Variants in STK32B observed in about 807,000 individuals in gnomAD.
STK32B encodes the protein serine/threonine kinase 32B.
STK32B carries 43 observed loss-of-function variants against 52.6 expected under a neutral mutation model. The ratio of observed to expected loss-of-function variants is 0.82; its 90% CI spans 0.64 to 1.05. The LOEUF (loss-of-function observed/expected upper bound fraction) is 1.05. Among genes scored for constraint, STK32B ranks in the 50% least tolerant of loss-of-function variants. The pLI is 0.00. For synonymous variants in STK32B, 238 were observed against 204.3 expected, an observed-to-expected ratio of 1.17 and a Z score of -1.41; for missense variants, 621 against 534.6, an observed-to-expected ratio of 1.16 and a Z score of -1.59.
rs140665473 is a variant in STK32B, at chr4:5,364,895, A to G, written c.435-33312A>G. 4.0e-3 allele frequency among the ~76,000 whole-genome samples: 610 copies of G among 152,268 alleles called. 4 individuals are homozygous for G. The highest frequency in any genetic ancestry group is 0.027 in the Middle Eastern group (8 of 294). On this transcript the variant is annotated intron_variant, in intron 4 of 11. Coordinates refer to ENST00000282908, the MANE Select transcript of STK32B (RefSeq NM_018401.3). ...GTTATTATTATTAATTATTATTTAG[A>G]TGGAGTTTTTGCTCTTGTTGCCCAG...
chr4:5,283,326 A>G (rs1728329219), intron 3 of STK32B, among the ~76,000 whole-genome samples: 1 of 145,412 alleles, frequency 6.9e-6, no homozygotes, highest in Admixed American at 6.8e-5. Context: ...GGAAAAAAAA[A>G]GAATCAAAAA....
chr4:5,426,083 G>A (rs1245972099), intron 6 of STK32B, among the ~76,000 whole-genome samples: 1 of 152,216 alleles, frequency 6.6e-6, no homozygotes, highest in South Asian at 2.1e-4. Flanking sequence ...GGTTTTATAT[G>A]AGCTTAAATT....
intron 11 of STK32B, among the ~76,000 whole-genome samples, chr4:5,484,187 G>A (rs536161734): frequency 7.9e-5 from 12 of 152,144 alleles, no homozygotes; most frequent in Non-Finnish European, 1.8e-4. Flanking sequence ...TGACAGTGGG[G>A]TGTTAAAGTC....
At chr4:5,268,777 G>A (rs1431844578) in intron 3 of STK32B, among the ~76,000 whole-genome samples, 1 of 152,028 alleles carries the variant, frequency 6.6e-6, no homozygotes, top group Non-Finnish European at 1.5e-5. Flanking sequence ...GCCGAAAGCA[G>A]GCTAAGGGCT....
chr4:5,261,748 GTTATTA>G (rs561443083), intron 3 of STK32B, among the ~76,000 whole-genome samples: 1 of 152,044 alleles, frequency 6.6e-6, no homozygotes, highest in Non-Finnish European at 1.5e-5. Context: ...TATTATTATT[GTTATTA>G]TTATTACTTT....
At chr4:5,165,708 C>G (rs182926538) in intron 2 of STK32B, among the ~76,000 whole-genome samples, 1 of 152,158 alleles carries the variant, frequency 6.6e-6, no homozygotes, top group Non-Finnish European at 1.5e-5. Context: ...GCTTGGATTC[C>G]CACAAAGCCA....
At chr4:5,357,758 A>G (rs1734281592) in intron 4 of STK32B, among the ~76,000 whole-genome samples, 1 of 129,636 alleles carries the variant, frequency 7.7e-6, no homozygotes, top group Admixed American at 9.3e-5. Flanking sequence ...AATAAGATCA[A>G]TAATGAGATA....
intron 3 of STK32B, among the ~76,000 whole-genome samples, chr4:5,320,199 C>T (rs997783554): frequency 1.3e-5 from 2 of 152,074 alleles, no homozygotes; most frequent in Non-Finnish European, 1.5e-5. Flanking sequence ...GTACAATGAG[C>T]ACCTTGAGTA....
chr4:5,282,909 C>A (rs1413773101), intron 3 of STK32B, among the ~76,000 whole-genome samples: 2 of 152,090 alleles, frequency 1.3e-5, no homozygotes, highest in Non-Finnish European at 2.9e-5. Context: ...CCACAGTTGA[C>A]CGTGGGTAAC....
chr4:5,427,312 A>G (rs751205266), intron 6 of STK32B, among the ~76,000 whole-genome samples: 1 of 151,942 alleles, frequency 6.6e-6, no homozygotes, highest in Non-Finnish European at 1.5e-5. Flanking sequence ...TGTTCATAAT[A>G]TTTACATCTA....
chr4:5,238,467 A>G (rs1724784336), intron 3 of STK32B, among the ~76,000 whole-genome samples: 1 of 152,054 alleles, frequency 6.6e-6, no homozygotes, highest in South Asian at 2.1e-4. Flanking sequence ...ACTTAATTCC[A>G]TCTGCAAAGA....
At chr4:5,323,430 T>C (rs755312916) in intron 3 of STK32B, among the ~76,000 whole-genome samples, 16 of 152,112 alleles carry the variant, frequency 1.1e-4, no homozygotes, top group Admixed American at 2.0e-4. Context: ...GACTCCCTCA[T>C]CAGGTCTATC....
intron 3 of STK32B, among the ~76,000 whole-genome samples, chr4:5,250,226 C>T (rs1725818569): frequency 6.6e-6 from 1 of 151,384 alleles, no homozygotes; most frequent in Non-Finnish European, 1.5e-5. Flanking sequence ...ATGCATGTGC[C>T]TTTATAATAA....
At chr4:5,282,551 T>G (rs898331310) in intron 3 of STK32B, among the ~76,000 whole-genome samples, 1 of 152,186 alleles carries the variant, frequency 6.6e-6, no homozygotes, top group Non-Finnish European at 1.5e-5. Flanking sequence ...TAATGCTTCT[T>G]CTTCTTCTTG....
intron 3 of STK32B, among the ~76,000 whole-genome samples, chr4:5,285,503 C>CAAGAA (rs1728490108): frequency 6.6e-6 from 1 of 151,932 alleles, no homozygotes; most frequent in Non-Finnish European, 1.5e-5. Context: ...AAAGATAAAC[C>CAAGAA]AAGAAAAGAA....
chr4:5,143,136 T>C (rs200010030), intron 2 of STK32B, among the ~76,000 whole-genome samples: 17 of 139,074 alleles, frequency 1.2e-4, no homozygotes, highest in African/African-American at 2.9e-4. Context: ...TCTGTCTATC[T>C]GTCTGTCTAT....
chr4:5,254,147 G>T (rs1726141332), intron 3 of STK32B, among the ~76,000 whole-genome samples: 1 of 152,142 alleles, frequency 6.6e-6, no homozygotes. Context: ...TTAGCTTTCG[G>T]TAAGGTATGT....
At position 5,192,487 on chromosome 4, in the gene STK32B, A is replaced by G. The variant is rs550253752; in HGVS notation, c.260+24037A>G. Among the ~76,000 whole-genome samples, 3 of 152,348 alleles carry G rather than the reference A, an allele frequency of 2.0e-5. No individual in the cohort carries two copies. The East Asian group carries it at 5.8e-4, about 29-fold the overall frequency. On this transcript the variant is annotated intron_variant, in intron 3 of 11. Coordinates refer to ENST00000282908, the MANE Select transcript of STK32B (RefSeq NM_018401.3). The stretch of plus-strand genomic sequence containing the variant: ...ACACACACACGCTACAGAAAGTCAG[A>G]TCGCTAACGGAAATAGTGAAGCTGA...
At chr4:5,023,209 G>A in the STK32B span, among the ~76,000 whole-genome samples, 10 of 152,248 alleles carry the variant, frequency 6.6e-5, no homozygotes, top group South Asian at 1.7e-3. Flanking sequence ...TTCTGAGCCC[G>A]GAATTGTAAG....
Sources: allele counts gnomAD v4.1 joint callset (sites outside exome capture counted in the v4.1 genomes callset), GRCh38; gene constraint gnomAD v4.1.1; transcripts MANE v1.5; gene names NCBI Gene and HGNC (gene_info 2026-07-23, HGNC 2026-07-21).